The following MTMR10 variants were observed in gnomAD, a reference collection of about 807,000 sequenced individuals.
The protein encoded by MTMR10 is myotubularin related protein 10.
A neutral mutation model predicts 88.1 loss-of-function variants in MTMR10; 56 were observed. That is an observed-to-expected ratio of 0.64 (90% CI 0.51 to 0.79). The LOEUF is 0.79. Among genes scored for constraint, MTMR10 ranks in the 30% least tolerant of loss-of-function variants. The probability of loss-of-function intolerance (pLI) is 0.00; values close to 1 mark genes in which losing one functional copy is unlikely to be tolerated. For synonymous variants in MTMR10, 380 were observed against 340.9 expected (o/e 1.11, Z -1.26); for missense variants, 883 against 924.7 (o/e 0.95, Z 0.58).
At chr15:30,989,528 T>C (rs1044166207) in intron 2 of MTMR10, among the ~76,000 whole-genome samples, 3 of 152,126 alleles carry the variant, frequency 2.0e-5, no homozygotes, top group Non-Finnish European at 4.4e-5. Context: ...TGGCTTTAAG[T>C]AATGAGTCAG....
chr15:30,986,445 CA>C (rs1477270590), intron 2 of MTMR10, among the ~76,000 whole-genome samples: 1 of 151,638 alleles, frequency 6.6e-6, no homozygotes, highest in Non-Finnish European at 1.5e-5. Context: ...GTTTAGATTC[CA>C]AACCAGGTAT....
intron 6 of MTMR10, among the ~76,000 whole-genome samples, chr15:30,965,631 T>C (rs534859583): frequency 6.6e-6 from 1 of 152,200 alleles, no homozygotes; most frequent in Non-Finnish European, 1.5e-5. Context: ...TAATATCTCC[T>C]GGGGTGTTTG....
intron 2 of MTMR10, among the ~76,000 whole-genome samples, chr15:30,983,602 G>A (rs865965827): frequency 6.6e-6 from 1 of 152,182 alleles, no homozygotes; most frequent in African/African-American, 2.4e-5. Flanking sequence ...CACGGCACAC[G>A]TGGCTAATTA....
intron 3 of MTMR10, among the ~76,000 whole-genome samples, chr15:30,975,897 A>C (rs1185871960): frequency 6.6e-6 from 1 of 152,152 alleles, no homozygotes; most frequent in East Asian, 1.9e-4. Context: ...ATAAAACAAA[A>C]TACAAAATGG....
At chr15:30,968,400 A>G (rs760128428) in intron 5 of MTMR10, among the ~76,000 whole-genome samples, 3 of 152,172 alleles carry the variant, frequency 2.0e-5, no homozygotes, top group Non-Finnish European at 2.9e-5. Flanking sequence ...AAGGATTAAT[A>G]TAAGGCATGA....
rs369731038 is a variant in MTMR10, at chr15:30,950,527, G to A, written c.1207+1441C>T. ...TCTAGTAAAAATACAAAAATTAGCC[G>A]GGCGTGGTGGTGCATGCTTGTAATC... On this transcript the variant is annotated intron_variant, in intron 12 of 15. Coordinates refer to ENST00000435680, the MANE Select transcript of MTMR10 (RefSeq NM_017762.3). Among the ~76,000 whole-genome samples the A allele has an allele frequency of 1.1e-4, 17 of 152,180 alleles. No individual in the cohort carries two copies. The East Asian group carries it at 2.5e-3, about 22-fold the overall frequency.
intron 2 of MTMR10, among the ~76,000 whole-genome samples, 162 bp from the exon 3 acceptor site, chr15:30,977,117 G>C (rs1278420894): frequency 6.6e-6 from 1 of 152,206 alleles, no homozygotes; most frequent in East Asian, 1.9e-4. Flanking sequence ...AAAGTGAATA[G>C]TAATGACAAG....
chr15:30,957,692 T>C (rs970122477), intron 9 of MTMR10, among the ~76,000 whole-genome samples: 8 of 151,408 alleles, frequency 5.3e-5, no homozygotes, highest in Non-Finnish European at 1.2e-4. Context: ...GGTGACAGAG[T>C]GAGACTCTGT....
In MTMR10 at chr15:30,960,884, G is replaced by A. The variant is rs372239278; in HGVS notation, c.755C>T (p.Thr252Ile). ...CSINEGYMIS[T>I]CLPEYIVVPS... ...ACATTGCTAAAATTGTACTTACCAA[G>A]TGGATATCATGTAACCCTCGTTAAT... The change falls in exon 7 of 16, where the codon ACT (threonine) becomes ATT (isoleucine). Residue 252 changes from threonine (T) to isoleucine (I), a missense_variant. Around this residue, in one of 3 missense-constraint regions of MTMR10, gnomAD observed 414 missense variants for 423.2 expected, o/e 0.98. Coordinates refer to ENST00000435680, the MANE Select transcript of MTMR10 (RefSeq NM_017762.3). 2 of 1,593,850 alleles carry A rather than the reference G, an allele frequency of 1.3e-6. No individual in the cohort carries two copies. Among genetic ancestry groups the A allele is most frequent in the African/African-American group, 2.7e-5 (2 of 74,576 alleles).
Position 30,947,227 on chromosome 15 carries a change from G to A in MTMR10, c.1451C>T (p.Ser484Phe). Residue 484 changes from serine (S) to phenylalanine (F), a missense_variant, in exon 14 of 16, where the codon TCC (serine) becomes TTC (phenylalanine). Physicochemically the swap from Ser to Phe is radical, Grantham distance 155. Transcript: ENST00000435680. ...ATACAACACTGCCAGGTAGGTTTCG[G>A]AGAACTCAAAAGCTGCAGGATATTG... Reference protein sequence around the residue: ...LEQYPAAFEFSETYLAVLYDS... With the variant: ...LEQYPAAFEFFETYLAVLYDS... 1 of 1,613,976 alleles carries A rather than the reference G, an allele frequency of 6.2e-7. No individual in the cohort carries two copies. The highest frequency in any genetic ancestry group is 1.1e-5 in the South Asian group (1 of 91,074).
chr15:30,925,633 A>G, the MTMR10 span, among the ~76,000 whole-genome samples: 207 of 152,370 alleles, frequency 1.4e-3, no homozygotes, highest in African/African-American at 4.4e-3. Context: ...GAACTGTCAC[A>G]TCCCCGCAGT....
At chr15:30,926,690 A>T in the MTMR10 span, 1 of 985,410 alleles carries the variant, frequency 1.0e-6, no homozygotes, top group Non-Finnish European at 1.2e-6. Flanking sequence ...TTAGAAATAG[A>T]AGAATAGAAT....
At chr15:30,935,733 G>T (rs2062834374), downstream of MTMR10, among the ~76,000 whole-genome samples, 1 of 152,020 alleles carries the variant, frequency 6.6e-6, no homozygotes, top group South Asian at 2.1e-4. Flanking sequence ...GTTTTTGAAA[G>T]ATATTTTCTC....
intron 5 of MTMR10, among the ~76,000 whole-genome samples, chr15:30,972,350 T>G (rs1009116685): frequency 1.3e-5 from 2 of 152,124 alleles, no homozygotes; most frequent in African/African-American, 4.8e-5. Context: ...ACTATTTATA[T>G]TCTCATTGCA....
At chr15:30,924,913 C>T in the MTMR10 span, among the ~76,000 whole-genome samples, 55 of 152,232 alleles carry the variant, frequency 3.6e-4, no homozygotes, top group Non-Finnish European at 7.3e-4. Flanking sequence ...GGTCACGCTC[C>T]AGCACGTTGA....
chr15:30,938,960 T>TA lies in MTMR10; in HGVS notation c.*2509dup. 1.0e-6 allele frequency: 1 copy of TA among 985,438 alleles called. No individual in the cohort carries two copies. Among genetic ancestry groups the TA allele is most frequent in the East Asian group, 1.1e-4 (1 of 8,810 alleles). The allele number at this position is 985,438 out of a possible 1,614,324, so 61.0% of individuals were successfully genotyped here. On this transcript the variant is annotated 3_prime_UTR_variant, in exon 16 of 16. Coordinates refer to ENST00000435680, the MANE Select transcript of MTMR10 (RefSeq NM_017762.3). ...ACAACAAACAGTCGCTGTGGAATTT[T>TA]ATTAAGCCATCAAAATTTCCTTCAC... is the stretch of plus-strand genomic sequence containing the variant.
chr15:30,930,738 T>C, the MTMR10 span: 8 of 1,572,460 alleles, frequency 5.1e-6, no homozygotes, highest in South Asian at 1.1e-5. Context: ...AGGCCACAAG[T>C]AGGCATTTCT....
Position 30,952,037 on chromosome 15 carries a change from C to A in MTMR10, c.1138G>T (p.Ala380Ser). The stretch of plus-strand genomic sequence containing the variant: ...AGTTCTGCTGAATGCTTAAGGAATG[C>A]CCTGAAGAGAGAAAAGGAAAAGCAG... ...ENTRWLEYVR[A>S]FLKHSAELVY... Residue 380 changes from alanine to serine, a missense_variant and splice_region_variant, in exon 12 of 16, where the codon GCA becomes TCA. Transcript: ENST00000435680. The A allele has an allele frequency of 6.2e-7, 1 of 1,612,972 alleles. No individual in the cohort carries two copies. Among genetic ancestry groups the A allele is most frequent in the Non-Finnish European group, 8.5e-7 (1 of 1,179,142 alleles).
chr15:30,948,496 G>T, intron 12 of MTMR10, 25 bp from the exon 13 acceptor site: 1 of 1,571,456 alleles, frequency 6.4e-7, no homozygotes. Flanking sequence ...GAAAGAAAAT[G>T]ATTACAACAT....
Sources: gnomAD v4.1 joint callset for allele counts (sites outside exome capture counted in the v4.1 genomes callset) on GRCh38, gnomAD v4.1.1 for gene constraint, gnomAD v4.1.1 regional missense constraint, MANE v1.5 for transcripts, NCBI Gene and HGNC (gene_info 2026-07-23, HGNC 2026-07-21) for gene names.